ANKRD44: variants seen among roughly 807,000 people sequenced by gnomAD.
ANKRD44 encodes the protein serine/threonine-protein phosphatase 6 regulatory ankyrin repeat subunit B.
ANKRD44 carries 35 observed loss-of-function variants against 116.0 expected under a neutral mutation model. That is an observed-to-expected ratio of 0.30 (90% CI 0.23 to 0.40). ANKRD44 has a LOEUF of 0.40. Ranked by LOEUF, ANKRD44 falls within the 10% of genes least tolerant of loss-of-function variation. The probability of loss-of-function intolerance (pLI) is 1.00; values close to 1 mark genes in which losing one functional copy is unlikely to be tolerated. For missense variants in ANKRD44, 1,014 were observed against 1,242.6 expected, an observed-to-expected ratio of 0.82 and a Z score of 2.77; for synonymous variants, 435 against 461.8, an observed-to-expected ratio of 0.94 and a Z score of 0.74.
At chr2:197,300,758 CTTTTTTT>C (rs112803787) in intron 1 of ANKRD44, among the ~76,000 whole-genome samples, 64 of 122,718 alleles carry the variant, frequency 5.2e-4, no homozygotes, top group African/African-American at 1.7e-3. Context: ...TTTCATTTTC[CTTTTTTT>C]TTTTTTTTTT....
rs373921953 is a variant in ANKRD44, at chr2:196,995,597, AT to A, written c.2749-137del. 521 of 614,196 alleles carry A rather than the reference AT, an allele frequency of 8.5e-4. 3 individuals carry two copies. In the African/African-American group the frequency reaches 8.5e-3, roughly 10 times the overall value. 38.0% of individuals were successfully genotyped at this position (614,196 alleles called of 1,614,324 possible). ...ATTCTATAGGGCTATTTTCTGAGTA[AT>A]TTTTTTTCTTCTCAACAACAAATGG... On this transcript the variant is annotated intron_variant, in intron 25 of 27. Transcript: ENST00000282272.
intron 13 of ANKRD44, 73 bp from the exon 14 acceptor site, chr2:197,083,582 A>G (rs2077848324): frequency 6.5e-7 from 1 of 1,527,488 alleles, no homozygotes. Context: ...TAGCACTGGC[A>G]GCAGTATGCC....
At chr2:197,273,067 T>A (rs1000736507) in intron 1 of ANKRD44, among the ~76,000 whole-genome samples, 1 of 152,160 alleles carries the variant, frequency 6.6e-6, no homozygotes, top group African/African-American at 2.4e-5. Context: ...AAGAAGCCAA[T>A]ACAAACTTTT....
At chr2:197,213,628 C>T (rs1196985408) in intron 1 of ANKRD44, among the ~76,000 whole-genome samples, 1 of 152,208 alleles carries the variant, frequency 6.6e-6, no homozygotes, top group African/African-American at 2.4e-5. Context: ...TTATCAGCCT[C>T]ATACGCTGAG....
intron 21 of ANKRD44, among the ~76,000 whole-genome samples, chr2:196,967,927 C>CTCTT (rs1271094547): frequency 1.3e-5 from 2 of 151,666 alleles, no homozygotes; most frequent in East Asian, 3.9e-4. Flanking sequence ...CTCTCTCTCT[C>CTCTT]TCTCTCTCTC....
At chr2:197,202,776 T>C (rs2712899) in intron 1 of ANKRD44, among the ~76,000 whole-genome samples, 149,237 of 152,138 alleles carry the variant, frequency 0.98, 73,252 homozygotes, top group East Asian at 1. Flanking sequence ...GGGGGTCTCG[T>C]CATGTTGGAC....
At chr2:197,299,961 T>G (rs2083847525) in intron 1 of ANKRD44, among the ~76,000 whole-genome samples, 1 of 152,248 alleles carries the variant, frequency 6.6e-6, no homozygotes, top group African/African-American at 2.4e-5. Context: ...GTTCACAAAA[T>G]GTTGCCATGG....
intron 17 of ANKRD44, among the ~76,000 whole-genome samples, chr2:197,018,041 G>GC (rs999634210): frequency 2.2e-4 from 34 of 152,160 alleles, no homozygotes; most frequent in African/African-American, 8.0e-4. Flanking sequence ...CACTTTCAGG[G>GC]CTCATCATTT....
At chr2:197,101,339 A>G (rs2078288496) in intron 9 of ANKRD44, among the ~76,000 whole-genome samples, 1 of 151,962 alleles carries the variant, frequency 6.6e-6, no homozygotes, top group African/African-American at 2.4e-5. Context: ...TCATTATTAG[A>G]TTCAGGCTAA....
At chr2:197,205,902 T>C (rs1429506178) in intron 1 of ANKRD44, among the ~76,000 whole-genome samples, 1 of 152,074 alleles carries the variant, frequency 6.6e-6, no homozygotes, top group Non-Finnish European at 1.5e-5. Flanking sequence ...AGAGGGAGCC[T>C]AAGCCTACCA....
At chr2:196,989,906 G>T in intron 27 of ANKRD44, 1 of 1,154,716 alleles carries the variant, frequency 8.7e-7, no homozygotes, top group Non-Finnish European at 1.1e-6. Context: ...ACAAAGGGTA[G>T]TTTCATACTA....
intron 1 of ANKRD44, among the ~76,000 whole-genome samples, chr2:197,229,401 C>T (rs1388736765): frequency 1.3e-5 from 2 of 152,140 alleles, no homozygotes; most frequent in African/African-American, 2.4e-5. Context: ...TACTTTCATA[C>T]ATGTTCCTAT....
chr2:197,083,410 G>A lies in ANKRD44; in HGVS notation c.1416C>T (p.Arg472=), dbSNP rs2077843897. The A allele has an allele frequency of 1.2e-6, 2 of 1,613,814 alleles. No individual in the cohort carries two copies. The highest frequency in any genetic ancestry group is 3.4e-4 in the Middle Eastern group (2 of 5,952). ...ANVNETDDWG[R]TALHYAAASD... ...ATGCAGCGGCGTAATGCAAAGCTGT[G>A]CGTCCCCAGTCATCTGTTTCATTAA... Residue 472 remains arginine, a synonymous_variant, in exon 14 of 28, where the codon CGC becomes CGT. Transcript: ENST00000282272.
At chr2:197,127,335 GA>G (rs2078998424) in intron 4 of ANKRD44, among the ~76,000 whole-genome samples, 1 of 152,086 alleles carries the variant, frequency 6.6e-6, no homozygotes, top group Admixed American at 6.5e-5. Flanking sequence ...ACATATAATA[GA>G]AATTTAATAT....
At chr2:197,026,766 G>C (rs1214264440) in intron 16 of ANKRD44, among the ~76,000 whole-genome samples, 2 of 152,160 alleles carry the variant, frequency 1.3e-5, no homozygotes, top group African/African-American at 4.8e-5. Context: ...AGGAGCTGGG[G>C]CAATAGTCCA....
intron 8 of ANKRD44, among the ~76,000 whole-genome samples, chr2:197,113,716 A>G (rs2078644290): frequency 6.6e-6 from 1 of 152,212 alleles, no homozygotes; most frequent in Non-Finnish European, 1.5e-5. Context: ...TTTCTCTGAG[A>G]GTGCTTGTGC....
At chr2:197,041,774 CCTT>C (rs1470061312) in intron 16 of ANKRD44, among the ~76,000 whole-genome samples, 2 of 152,116 alleles carry the variant, frequency 1.3e-5, no homozygotes, top group Non-Finnish European at 1.5e-5. Flanking sequence ...ACCCCTCTCT[CCTT>C]CTCCATCTTA....
Position 197,007,705 on chromosome 2 carries a change from T to A in ANKRD44, c.2130+101A>T. The A allele has an allele frequency of 5.0e-6, 4 of 794,828 alleles. No homozygotes were observed. In the South Asian group the frequency reaches 6.6e-5, roughly 13 times the overall value. The allele number at this position is 794,828 out of a possible 1,614,324, so 49.2% of individuals were successfully genotyped here. ...ACAATTTTTGCTAAACATTTTTTGC[T>A]AAAAATCCAATCAAAGTAGGCCCTT... On this transcript the variant is annotated intron_variant, in intron 20 of 27. Coordinates refer to ENST00000282272, the MANE Select transcript of ANKRD44 (RefSeq NM_001195144.2).
rs146569635 is a variant in ANKRD44 at position 197,009,012 on chromosome 2, C to T, written c.1944G>A (p.Leu648=). 2.3e-5 allele frequency: 37 copies of T among 1,614,100 alleles called. No homozygotes were observed. In the African/African-American group the frequency reaches 4.0e-4, roughly 17 times the overall value. The change falls in exon 19 of 28, where the codon CTG becomes CTA. Residue 648 remains leucine, a synonymous_variant. Coordinates refer to ENST00000282272, the MANE Select transcript of ANKRD44 (RefSeq NM_001195144.2). ...CAATTTCTAGCAACAGCCGTAAACACAGTGTGTGACCATTAATTACTGAAA... is the reference window on the plus strand; with the variant it reads ...CAATTTCTAGCAACAGCCGTAAACATAGTGTGTGACCATTAATTACTGAAA... ...LHASVINGHT[L]CLRLLLEIAD...
Sources: allele counts gnomAD v4.1 joint callset (sites outside exome capture counted in the v4.1 genomes callset), GRCh38; gene constraint gnomAD v4.1.1; transcripts MANE v1.5; gene names NCBI Gene and HGNC (gene_info 2026-07-23, HGNC 2026-07-21).